SORCS2: variants seen among roughly 807,000 people sequenced by gnomAD.
SORCS2 encodes VPS10 domain-containing receptor SorCS2.
Under a neutral mutation model 141.6 loss-of-function variants are expected in SORCS2, and 100 were observed. That is an observed-to-expected ratio of 0.71 (90% CI 0.60 to 0.83). The LOEUF is 0.83. Among genes scored for constraint, SORCS2 ranks in the 40% least tolerant of loss-of-function variants. The pLI is 0.00. For missense variants in SORCS2, 1,646 were observed against 1,560.2 expected (o/e 1.05, Z -0.93); for synonymous variants, 789 against 676.9 (o/e 1.17, Z -2.57).
rs114958401 is a variant in SORCS2 at position 7,730,656 on chromosome 4, A to G, written c.3108+944A>G. Among the ~76,000 whole-genome samples, 1,431 of 152,318 alleles carry G rather than the reference A, an allele frequency of 9.4e-3. 20 individuals carry two copies. Among genetic ancestry groups the G allele is most frequent in the African/African-American group, 0.032 (1,350 of 41,578 alleles). ...GTTGCAAAAGACCACGTAGCGTACA[A>G]TTCCATTCACATGAAATGCCCAGAA... On this transcript the variant is annotated intron_variant, in intron 23 of 26. Coordinates refer to ENST00000507866, the MANE Select transcript of SORCS2 (RefSeq NM_020777.3).
At chr4:7,323,311 G>A (rs748016783) in intron 1 of SORCS2, among the ~76,000 whole-genome samples, 3 of 152,192 alleles carry the variant, frequency 2.0e-5, no homozygotes, top group Non-Finnish European at 4.4e-5. Context: ...GTAGTCCTGC[G>A]ACCCAGAGAT....
chr4:7,484,468 C>T lies in SORCS2; in HGVS notation c.549-47062C>T, dbSNP rs1042008179. 4.6e-5 allele frequency among the ~76,000 whole-genome samples: 7 copies of T among 152,226 alleles called. No homozygotes were observed. The East Asian group carries it at 9.7e-4, about 21-fold the overall frequency. ...AAGGTGGTGTTGCCGTGGGAAGGAA[C>T]GCTGTCCAGGGAAGCCAGTCTCTAG... On this transcript the variant is annotated intron_variant, in intron 2 of 26. Coordinates refer to ENST00000507866, the MANE Select transcript of SORCS2 (RefSeq NM_020777.3).
At chr4:7,578,749 G>T (rs762169776) in intron 3 of SORCS2, among the ~76,000 whole-genome samples, 1 of 152,126 alleles carries the variant, frequency 6.6e-6, no homozygotes, top group Non-Finnish European at 1.5e-5. Flanking sequence ...TGACCTCTCT[G>T]GGACTCAGTT....
chr4:7,214,223 A>G (rs942381795), intron 1 of SORCS2, among the ~76,000 whole-genome samples: 4 of 152,134 alleles, frequency 2.6e-5, no homozygotes, highest in Non-Finnish European at 5.9e-5. Context: ...ATGTAACAGT[A>G]TTGGGAGGTG....
intron 1 of SORCS2, among the ~76,000 whole-genome samples, chr4:7,262,029 G>T (rs2108824452): frequency 6.6e-6 from 1 of 152,302 alleles, no homozygotes; most frequent in Middle Eastern, 3.4e-3. Context: ...CAAGATATGG[G>T]GGTTCTGGGT....
chr4:7,732,138 C>T (rs1312529115), intron 23 of SORCS2, among the ~76,000 whole-genome samples: 1 of 152,162 alleles, frequency 6.6e-6, no homozygotes, highest in Non-Finnish European at 1.5e-5. Context: ...GCAAAGGAGC[C>T]AAGTAGACAT....
At chr4:7,635,446 T>C (rs1720179695) in intron 3 of SORCS2, among the ~76,000 whole-genome samples, 1 of 152,220 alleles carries the variant, frequency 6.6e-6, no homozygotes, top group African/African-American at 2.4e-5. Context: ...CCAATCACTC[T>C]TACGTCCCGC....
intron 2 of SORCS2, chr4:7,431,030 G>A (rs1726813908): frequency 1.3e-5 from 2 of 152,348 alleles, no homozygotes; most frequent in African/African-American, 4.8e-5. Context: ...ACAGGGGATG[G>A]AGGTGACTGA....
intron 3 of SORCS2, among the ~76,000 whole-genome samples, chr4:7,572,911 C>T (rs1028535533): frequency 8.5e-5 from 13 of 152,262 alleles, no homozygotes; most frequent in South Asian, 6.2e-4. Context: ...ATTTTATAAG[C>T]GACGGACAAC....
chr4:7,536,298 G>A (rs1005794382), intron 3 of SORCS2, among the ~76,000 whole-genome samples: 2 of 152,140 alleles, frequency 1.3e-5, no homozygotes, highest in Non-Finnish European at 2.9e-5. Flanking sequence ...ATGCATATAC[G>A]GTACCTAGAA....
At chr4:7,342,315 T>C (rs1720412564) in intron 1 of SORCS2, among the ~76,000 whole-genome samples, 2 of 152,346 alleles carry the variant, frequency 1.3e-5, no homozygotes, top group African/African-American at 4.8e-5. Flanking sequence ...CCTCTGACGT[T>C]GCCCCGGGCC....
chr4:7,701,778 T>C (rs757248), intron 12 of SORCS2, among the ~76,000 whole-genome samples: 73,563 of 152,084 alleles, frequency 0.48, 18,979 homozygotes, highest in African/African-American at 0.61. Context: ...ATTCAGACTC[T>C]GAGGGAGACT....
At chr4:7,301,557 A>C (rs1383543800) in intron 1 of SORCS2, among the ~76,000 whole-genome samples, 1 of 152,238 alleles carries the variant, frequency 6.6e-6, no homozygotes, top group Non-Finnish European at 1.5e-5. Context: ...GGAGCACGGC[A>C]GGCAGAGCAC....
rs773886569 is a variant in SORCS2, at chr4:7,537,152, C to T, written c.648+5523C>T. Among the ~76,000 whole-genome samples the T allele has an allele frequency of 3.9e-5, 6 of 152,316 alleles. No individual in the cohort carries two copies. In the South Asian group the frequency reaches 6.2e-4, roughly 16 times the overall value. ...AAATCAGCAGCTCCTTACTGCACACCGGGCGCAGTCTGGGGGCTGCTGAGC... is the reference window on the plus strand; with the variant it reads ...AAATCAGCAGCTCCTTACTGCACACTGGGCGCAGTCTGGGGGCTGCTGAGC... On this transcript the variant is annotated intron_variant, in intron 3 of 26. Transcript: ENST00000507866.
At chr4:7,454,868 GTGCTGTGTGTTGGGGT>G (rs1560298549) in intron 2 of SORCS2, among the ~76,000 whole-genome samples, 1 of 127,584 alleles carries the variant, frequency 7.8e-6, no homozygotes. Context: ...TTGGGGTCAG[GTGCTGTGTGTTGGGGT>G]CAGGTGCTGT....
At chr4:7,402,309 G>T (rs1724642154) in intron 2 of SORCS2, among the ~76,000 whole-genome samples, 1 of 152,026 alleles carries the variant, frequency 6.6e-6, no homozygotes, top group Non-Finnish European at 1.5e-5. Flanking sequence ...AATTGGTGTG[G>T]GTCATCCCCC....
intron 2 of SORCS2, among the ~76,000 whole-genome samples, chr4:7,448,315 C>A (rs934396338): frequency 2.0e-5 from 3 of 151,964 alleles, no homozygotes; most frequent in Admixed American, 6.5e-5. Context: ...TAGGGCCCTG[C>A]GCCGGCCAGG....
intron 1 of SORCS2, among the ~76,000 whole-genome samples, chr4:7,370,552 A>C (rs1246594032): frequency 2.0e-5 from 3 of 152,248 alleles, no homozygotes; most frequent in Admixed American, 6.5e-5. Flanking sequence ...TGGCTGACTA[A>C]TATTTTATTG....
At chr4:7,442,971 C>T (rs1422554869) in intron 2 of SORCS2, among the ~76,000 whole-genome samples, 3 of 152,302 alleles carry the variant, frequency 2.0e-5, no homozygotes, top group Admixed American at 6.5e-5. Flanking sequence ...GGCCAGCAAT[C>T]TTCCCCGGGC....
Sources: allele counts gnomAD v4.1 joint callset (sites outside exome capture counted in the v4.1 genomes callset), GRCh38; gene constraint gnomAD v4.1.1; transcripts MANE v1.5; gene names NCBI Gene and HGNC (gene_info 2026-07-23, HGNC 2026-07-21).